The following DIS3L2 variants were observed in gnomAD, a reference collection of about 807,000 sequenced individuals.
DIS3L2 encodes DIS3 like 3'-5' exoribonuclease 2.
A neutral mutation model predicts 97.5 loss-of-function variants in DIS3L2; 34 were observed. That is an observed-to-expected ratio of 0.35 (90% CI 0.27 to 0.46). The LOEUF is 0.46. Among genes scored for constraint, DIS3L2 ranks in the 20% least tolerant of loss-of-function variants. The pLI, the probability that DIS3L2 is intolerant of heterozygous loss-of-function variation, is 1.00. For synonymous variants in DIS3L2, 435 were observed against 445.2 expected, an observed-to-expected ratio of 0.98 and a Z score of 0.29; for missense variants, 1,038 against 1,146.0, an observed-to-expected ratio of 0.91 and a Z score of 1.36.
intron 5 of DIS3L2, among the ~76,000 whole-genome samples, chr2:232,057,722 C>T (rs757184129): frequency 1.3e-5 from 2 of 152,062 alleles, no homozygotes; most frequent in Admixed American, 6.6e-5. Context: ...TAAGCCATAC[C>T]GAGATACTCG....
chr2:232,107,474 T>C (rs1387762089), intron 6 of DIS3L2, among the ~76,000 whole-genome samples: 1 of 151,924 alleles, frequency 6.6e-6, no homozygotes, highest in East Asian at 1.9e-4. Context: ...CTGAGGTGGG[T>C]AGATCACTTG....
intron 14 of DIS3L2, among the ~76,000 whole-genome samples, chr2:232,301,208 A>G (rs1694846888): frequency 1.3e-5 from 2 of 152,154 alleles, no homozygotes; most frequent in African/African-American, 4.8e-5. Context: ...AAAGTAATTC[A>G]CTCAGGGTGA....
chr2:232,217,661 T>C (rs1692377909), intron 10 of DIS3L2, among the ~76,000 whole-genome samples: 1 of 152,176 alleles, frequency 6.6e-6, no homozygotes, highest in Admixed American at 6.5e-5. Context: ...AGGGAAACGC[T>C]TAAGTTTAGT....
chr2:232,302,473 G>A (rs1179542081), intron 14 of DIS3L2, among the ~76,000 whole-genome samples: 1 of 151,348 alleles, frequency 6.6e-6, no homozygotes, highest in African/African-American at 2.4e-5. Flanking sequence ...TTGTATTAGA[G>A]TCAGTCTTAG....
At chr2:232,167,614 A>G (rs1297777592) in intron 9 of DIS3L2, among the ~76,000 whole-genome samples, 3 of 152,226 alleles carry the variant, frequency 2.0e-5, no homozygotes, top group African/African-American at 7.2e-5. Context: ...TTATATTCCA[A>G]TTCATTTTGA....
intron 13 of DIS3L2, among the ~76,000 whole-genome samples, chr2:232,277,967 TG>T (rs1381731195): frequency 6.6e-6 from 1 of 151,100 alleles, no homozygotes; most frequent in Non-Finnish European, 1.5e-5. Context: ...ATGGGACCAC[TG>T]GCAGATATGG....
intron 9 of DIS3L2, among the ~76,000 whole-genome samples, chr2:232,205,074 C>T (rs1691992447): frequency 6.6e-6 from 1 of 152,050 alleles, no homozygotes; most frequent in South Asian, 2.1e-4. Flanking sequence ...GAGGTTCGTT[C>T]TCTTAGTAGT....
At chr2:232,229,909 A>T (rs956264012) in intron 10 of DIS3L2, among the ~76,000 whole-genome samples, 3 of 152,190 alleles carry the variant, frequency 2.0e-5, no homozygotes, top group African/African-American at 7.2e-5. Context: ...CAGACTCTTC[A>T]AATCCTGACC....
chr2:232,148,754 T>TTC (rs1468093099), intron 8 of DIS3L2, among the ~76,000 whole-genome samples: 1 of 137,594 alleles, frequency 7.3e-6, no homozygotes, highest in Non-Finnish European at 1.6e-5. Context: ...CTTTCTTTTT[T>TTC]TTTTTTTTTT....
intron 14 of DIS3L2, among the ~76,000 whole-genome samples, chr2:232,318,512 G>C (rs963307788): frequency 5.3e-5 from 8 of 152,196 alleles, no homozygotes; most frequent in Non-Finnish European, 1.0e-4. Flanking sequence ...AGGAAGACAG[G>C]TATGTAAGAC....
At chr2:232,023,902 GC>G (rs199615991) in intron 3 of DIS3L2, among the ~76,000 whole-genome samples, 2 of 98,444 alleles carry the variant, frequency 2.0e-5, no homozygotes, top group Non-Finnish European at 3.6e-5. Flanking sequence ...GAAAAAAAAG[GC>G]CTTTATATAG....
intron 12 of DIS3L2, among the ~76,000 whole-genome samples, chr2:232,254,814 G>A (rs1402538448): frequency 6.6e-6 from 1 of 152,216 alleles, no homozygotes; most frequent in Non-Finnish European, 1.5e-5. Flanking sequence ...TGTGAAGTAG[G>A]CACAGGATCC....
intron 13 of DIS3L2, among the ~76,000 whole-genome samples, chr2:232,291,281 A>G (rs1694592395): frequency 6.6e-6 from 1 of 152,292 alleles, no homozygotes; most frequent in South Asian, 2.1e-4. Context: ...AGTGAACACT[A>G]AAGAAGAAAA....
intron 5 of DIS3L2, among the ~76,000 whole-genome samples, chr2:232,059,023 A>G (rs1695626875): frequency 6.6e-6 from 1 of 152,184 alleles, no homozygotes; most frequent in South Asian, 2.1e-4. Context: ...TGGAAAAGCT[A>G]GAAATATTAA....
intron 5 of DIS3L2, among the ~76,000 whole-genome samples, chr2:232,077,519 A>G (rs1574855953): frequency 6.6e-6 from 1 of 152,174 alleles, no homozygotes; most frequent in Non-Finnish European, 1.5e-5. Context: ...ATATCTGTCT[A>G]TATTTTCACT....
At chr2:232,341,652 C>T (rs1696103358), downstream of DIS3L2, among the ~76,000 whole-genome samples, 1 of 152,226 alleles carries the variant, frequency 6.6e-6, no homozygotes, top group Admixed American at 6.5e-5. Flanking sequence ...AAGCTAAATG[C>T]TCATTTTCCT....
chr2:232,035,695 G>A (rs1368435240), intron 5 of DIS3L2, among the ~76,000 whole-genome samples: 2 of 152,110 alleles, frequency 1.3e-5, no homozygotes, highest in African/African-American at 2.4e-5. Flanking sequence ...AGGCAAGCCT[G>A]GTGCTGACAG....
At chr2:232,121,370 G>A (rs545405903) in intron 6 of DIS3L2, among the ~76,000 whole-genome samples, 1 of 152,162 alleles carries the variant, frequency 6.6e-6, no homozygotes, top group Non-Finnish European at 1.5e-5. Context: ...AAATGTTGAT[G>A]TTCTCCACTA....
intron 13 of DIS3L2, among the ~76,000 whole-genome samples, chr2:232,296,260 C>G (rs1277966942): frequency 6.6e-6 from 1 of 152,222 alleles, no homozygotes; most frequent in Admixed American, 6.5e-5. Context: ...ATCACCAAGT[C>G]CTGTAATGCT....
Sources: gnomAD v4.1 joint callset for allele counts (sites outside exome capture counted in the v4.1 genomes callset) on GRCh38, gnomAD v4.1.1 for gene constraint, MANE v1.5 for transcripts, NCBI Gene and HGNC (gene_info 2026-07-23, HGNC 2026-07-21) for gene names.